Variants in MTDH observed in about 807,000 individuals in gnomAD.
MTDH encodes protein LYRIC.
A neutral mutation model predicts 72.7 loss-of-function variants in MTDH; 34 were observed. That is an observed-to-expected ratio of 0.47 (90% confidence interval 0.36 to 0.62). The LOEUF (loss-of-function observed/expected upper bound fraction) is 0.62. MTDH is among the 20% of genes least tolerant of loss of function. The probability of loss-of-function intolerance (pLI) is 0.00; values close to 1 mark genes in which losing one functional copy is unlikely to be tolerated. For synonymous variants in MTDH, 266 were observed against 268.9 expected (o/e 0.99, Z 0.10); for missense variants, 677 against 699.4 (o/e 0.97, Z 0.36).
rs547272476 is a variant in MTDH at position 97,696,235 on chromosome 8, T to C, written c.1049-3519T>C. The C allele has an allele frequency of 6.6e-5, 65 of 985,384 alleles. No individual in the cohort carries two copies. The African/African-American group carries it at 1.1e-3, about 17-fold the overall frequency. 61.0% of individuals were successfully genotyped at this position (985,384 alleles called of 1,614,324 possible). ...GGTCTAGTGTGGATAGGGGAATGAA[T>C]ACCTCTGAACAGAATTCTGCTTCTT... On this transcript the variant is annotated intron_variant, in intron 6 of 11. Transcript: ENST00000336273.
intron 2 of MTDH, among the ~76,000 whole-genome samples, chr8:97,664,380 T>G (rs2130940683): frequency 6.6e-6 from 1 of 152,222 alleles, no homozygotes; most frequent in South Asian, 2.1e-4. Context: ...GGATGCAGTT[T>G]CTGGACTAGG....
At chr8:97,717,046 G>GAAAT (rs1289640877) in intron 9 of MTDH, among the ~76,000 whole-genome samples, 1 of 152,138 alleles carries the variant, frequency 6.6e-6, no homozygotes, top group Non-Finnish European at 1.5e-5. Context: ...ACTTGGGATG[G>GAAAT]AAATAAATTG....
At chr8:97,706,811 GGC>G in intron 8 of MTDH, 61 bp downstream of exon 8, 1 of 1,534,924 alleles carries the variant, frequency 6.5e-7, no homozygotes, top group Admixed American at 1.9e-5. Context: ...TGGGCACAGT[GGC>G]TCACGCCTAT....
rs746910101 is a variant in MTDH, at chr8:97,691,184, C to T, written c.1044C>T (p.Gly348=). ...RSWSDRSIFS[G]IGSTAEPVSQ... Reference sequence around the variant, plus strand: ...GGAGTGACCGTTCAATATTTTCTGGCATTGGTAAGAAGTGTTAGAAAAATT... The same window carrying T: ...GGAGTGACCGTTCAATATTTTCTGGTATTGGTAAGAAGTGTTAGAAAAATT... The change falls in exon 6 of 12, where the codon GGC becomes GGT. Residue 348 remains glycine, a synonymous_variant. Coordinates refer to ENST00000336273, the MANE Select transcript of MTDH (RefSeq NM_178812.4). 2 of 1,583,870 alleles carry T rather than the reference C, an allele frequency of 1.3e-6. No individual in the cohort carries two copies. The highest frequency in any genetic ancestry group is 2.3e-5 in the South Asian group (2 of 85,832).
chr8:97,673,269 C>G (rs1260044217), intron 2 of MTDH, among the ~76,000 whole-genome samples: 1 of 152,034 alleles, frequency 6.6e-6, no homozygotes, highest in Non-Finnish European at 1.5e-5. Context: ...ATCTGTAATC[C>G]CAGCACTTCA....
At position 97,723,036 on chromosome 8, in the gene MTDH, G is replaced by C; in HGVS notation, c.1678+1G>C. 6.2e-7 allele frequency: 1 copy of C among 1,612,396 alleles called. No individual in the cohort carries two copies. The highest frequency in any genetic ancestry group is 8.5e-7 in the Non-Finnish European group (1 of 1,179,402). On this transcript the variant is annotated splice_donor_variant, in intron 11 of 11. Coordinates refer to ENST00000336273, the MANE Select transcript of MTDH (RefSeq NM_178812.4). LOFTEE classifies it high-confidence loss of function. ...CAAAATAGTGTGCCTCCTTCACAGAGTAAGTAATCCTCATTTTTTGTTCCT... is the reference window on the plus strand; with the variant it reads ...CAAAATAGTGTGCCTCCTTCACAGACTAAGTAATCCTCATTTTTTGTTCCT...
intron 8 of MTDH, among the ~76,000 whole-genome samples, chr8:97,708,946 A>T (rs1586273459): frequency 1.3e-5 from 2 of 151,818 alleles, no homozygotes; most frequent in Non-Finnish European, 1.5e-5. Context: ...AGTGGCTCCC[A>T]CTTTGCGAGG....
intron 1 of MTDH, among the ~76,000 whole-genome samples, chr8:97,645,527 G>GT (rs1811533132): frequency 6.6e-6 from 1 of 152,242 alleles, no homozygotes; most frequent in Non-Finnish European, 1.5e-5. Context: ...GCTTTGAGGT[G>GT]TATGGTCCTG....
chr8:97,656,710 G>A (rs937348342), intron 1 of MTDH, among the ~76,000 whole-genome samples: 5 of 151,786 alleles, frequency 3.3e-5, no homozygotes, highest in African/African-American at 1.2e-4. Flanking sequence ...TTGAGTACCA[G>A]GAATTGAGGC....
chr8:97,687,882 T>C (rs780447877), intron 4 of MTDH, among the ~76,000 whole-genome samples: 4 of 152,216 alleles, frequency 2.6e-5, no homozygotes. Flanking sequence ...TTCTAGTGCG[T>C]ATCACTTTGC....
intron 9 of MTDH, among the ~76,000 whole-genome samples, chr8:97,714,285 A>G (rs1296988433): frequency 6.6e-6 from 1 of 151,878 alleles, no homozygotes; most frequent in Non-Finnish European, 1.5e-5. Flanking sequence ...TGTCTGGGGG[A>G]AAAAAAGTAA....
At chr8:97,703,088 G>A (rs1438484215) in intron 7 of MTDH, among the ~76,000 whole-genome samples, 1 of 152,188 alleles carries the variant, frequency 6.6e-6, no homozygotes, top group South Asian at 2.1e-4. Context: ...TACCCAGGCC[G>A]GTGCCATGGC....
chr8:97,676,129 A>T (rs534885552), intron 2 of MTDH, among the ~76,000 whole-genome samples: 1 of 152,190 alleles, frequency 6.6e-6, no homozygotes, highest in African/African-American at 2.4e-5. Context: ...TTGTAAAGAC[A>T]GGGTCTCACT....
intron 9 of MTDH, among the ~76,000 whole-genome samples, chr8:97,716,155 G>A (rs553564403): frequency 4.6e-5 from 7 of 152,268 alleles, no homozygotes; most frequent in Admixed American, 2.0e-4. Context: ...GGGAGGCCAC[G>A]GCGGGTGGAT....
rs180892091 is a variant in MTDH, at chr8:97,716,404, A to T, written c.1380+2635A>T. ...TCCATCTTAAAAGAAAGAAAAAAAA[A>T]GTTAGGCCGGGTGCGGTGGCTCATG... On this transcript the variant is annotated intron_variant, in intron 9 of 11. Coordinates refer to ENST00000336273, the MANE Select transcript of MTDH (RefSeq NM_178812.4). Among the ~76,000 whole-genome samples, 64 of 146,054 alleles carry T rather than the reference A, an allele frequency of 4.4e-4. No homozygotes were observed. The East Asian group carries it at 0.013, about 30-fold the overall frequency.
chr8:97,644,626 G>C lies in MTDH; in HGVS notation c.120G>C (p.Leu40=). 6.2e-7 allele frequency: 1 copy of C among 1,610,242 alleles called. No homozygotes were observed. Among genetic ancestry groups the C allele is most frequent in the Non-Finnish European group, 8.5e-7 (1 of 1,179,280 alleles). The change falls in exon 1 of 12, where the codon CTG becomes CTC. Residue 40 remains leucine, a synonymous_variant. Transcript: ENST00000336273. The part of the protein sequence containing the change: ...GFLRTELGLD[L]GLEPKRYPGW... ...TGCGCACCGAGCTGGGCCTCGACCT[G>C]GGGCTGGAGCCGAAACGGTACCCCG... is the stretch of plus-strand genomic sequence containing the variant.
rs1188339945 is a variant in MTDH, at chr8:97,705,195, G to A, written c.1148-1431G>A. On this transcript the variant is annotated intron_variant, in intron 7 of 11. Coordinates refer to ENST00000336273, the MANE Select transcript of MTDH (RefSeq NM_178812.4). The stretch of plus-strand genomic sequence containing the variant: ...GCCTGTAATCCCAGCTACTTGGGAG[G>A]CTGAGGCAGGAGAATCGCTTGAACC... Among the ~76,000 whole-genome samples the A allele has an allele frequency of 2.0e-5, 3 of 151,868 alleles. No homozygotes were observed. In the East Asian group the frequency reaches 5.8e-4, roughly 29 times the overall value.
Position 97,693,223 on chromosome 8 carries a change from C to T in MTDH, c.1048+2035C>T, listed in dbSNP as rs370805855. 1.2e-4 allele frequency among the ~76,000 whole-genome samples: 18 copies of T among 151,804 alleles called. No individual in the cohort carries two copies. The South Asian group carries it at 2.3e-3, about 19-fold the overall frequency. ...ACCAAGGTTGGGGATTTTTTTTTTC[C>T]GCCTTTTCTAATTCGATAAGCAAAA... On this transcript the variant is annotated intron_variant, in intron 6 of 11. Transcript: ENST00000336273.
At chr8:97,716,956 A>G (rs952600553) in intron 9 of MTDH, among the ~76,000 whole-genome samples, 7 of 152,166 alleles carry the variant, frequency 4.6e-5, no homozygotes, top group Non-Finnish European at 1.0e-4. Flanking sequence ...CTGGGATTAC[A>G]GATGCAAGCT....
Sources: allele counts gnomAD v4.1 joint callset (sites outside exome capture counted in the v4.1 genomes callset), GRCh38; gene constraint gnomAD v4.1.1; transcripts MANE v1.5; gene names NCBI Gene and HGNC (gene_info 2026-07-23, HGNC 2026-07-21).